Variants in ARHGAP18 observed in about 807,000 individuals in gnomAD.
The protein encoded by ARHGAP18 is rho GTPase-activating protein 18.
ARHGAP18 carries 67 observed loss-of-function variants against 86.2 expected under a neutral mutation model. That is an observed-to-expected ratio of 0.78 (90% CI 0.64 to 0.95). The LOEUF (loss-of-function observed/expected upper bound fraction) is 0.95, where lower values mean the gene tolerates loss of function less well. ARHGAP18 is among the 40% of genes least tolerant of loss of function. ARHGAP18 has a pLI of 0.00. For synonymous variants in ARHGAP18, 283 were observed against 280.4 expected, an observed-to-expected ratio of 1.01 and a Z score of -0.09; for missense variants, 691 against 780.4, an observed-to-expected ratio of 0.89 and a Z score of 1.37.
At chr6:129,642,884 T>A (rs1384843546) in intron 1 of ARHGAP18, among the ~76,000 whole-genome samples, 2 of 152,104 alleles carry the variant, frequency 1.3e-5, no homozygotes, top group Non-Finnish European at 2.9e-5. Context: ...GACCCATGAT[T>A]TATATGTATT....
chr6:129,603,617 G>A (rs988431327), intron 10 of ARHGAP18, among the ~76,000 whole-genome samples: 6 of 152,104 alleles, frequency 3.9e-5, no homozygotes, highest in African/African-American at 1.4e-4. Context: ...AGCCTGGAAG[G>A]ATTGAAACAA....
chr6:129,657,123 T>G (rs4337949), intron 1 of ARHGAP18, among the ~76,000 whole-genome samples: 70,819 of 151,992 alleles, frequency 0.47, 17,432 homozygotes, highest in African/African-American at 0.64. Context: ...ATTAATTTTA[T>G]AAACAGGTAC....
chr6:129,587,580 A>G (rs1199306188), intron 12 of ARHGAP18, among the ~76,000 whole-genome samples: 1 of 152,136 alleles, frequency 6.6e-6, no homozygotes, highest in East Asian at 1.9e-4. Context: ...GGCAGAAGGC[A>G]CCTCTTCACA....
chr6:129,666,639 C>T (rs1020867446), intron 1 of ARHGAP18, among the ~76,000 whole-genome samples: 36 of 152,312 alleles, frequency 2.4e-4, no homozygotes, highest in Admixed American at 1.4e-3. Context: ...CCAGGGCCTG[C>T]CTCCACCCTT....
intron 12 of ARHGAP18, among the ~76,000 whole-genome samples, chr6:129,596,085 A>C (rs1037457277): frequency 6.6e-6 from 1 of 152,176 alleles, no homozygotes; most frequent in East Asian, 1.9e-4. Context: ...GTCTATTCTC[A>C]ACACAACAGC....
chr6:129,665,373 C>T (rs1774018009), intron 1 of ARHGAP18, among the ~76,000 whole-genome samples: 1 of 152,008 alleles, frequency 6.6e-6, no homozygotes, highest in South Asian at 2.1e-4. Context: ...TGATGAAACC[C>T]CATCTCTACT....
chr6:129,656,959 ATGTCTT>A (rs1773851747), intron 1 of ARHGAP18, among the ~76,000 whole-genome samples: 1 of 152,222 alleles, frequency 6.6e-6, no homozygotes, highest in South Asian at 2.1e-4. Flanking sequence ...TTAAAAAGCA[ATGTCTT>A]ATAAATACAA....
chr6:129,579,994 C>T, intron 14 of ARHGAP18, 76 bp downstream of exon 14: 2 of 1,246,948 alleles, frequency 1.6e-6, no homozygotes, highest in Non-Finnish European at 2.3e-6. Flanking sequence ...CCTGTTCTTC[C>T]TCCAAAGACA....
intron 7 of ARHGAP18, among the ~76,000 whole-genome samples, chr6:129,614,417 T>A (rs12524088): frequency 0.1 from 15,413 of 152,242 alleles, 1,064 homozygotes; most frequent in Middle Eastern, 0.17. Context: ...GCTCCTTTAT[T>A]TTTTATAGAA....
At chr6:129,669,233 G>C (rs190635243) in intron 1 of ARHGAP18, among the ~76,000 whole-genome samples, 57 of 151,774 alleles carry the variant, frequency 3.8e-4, no homozygotes, top group African/African-American at 1.3e-3. Context: ...GTGCAATGGC[G>C]AGGTCACGGC....
intron 1 of ARHGAP18, among the ~76,000 whole-genome samples, chr6:129,695,454 C>T (rs1774600064): frequency 6.6e-6 from 1 of 152,114 alleles, no homozygotes; most frequent in Non-Finnish European, 1.5e-5. Context: ...TTAGTCTCTC[C>T]TGAGATGTGT....
At chr6:129,618,268 C>A (rs1789137885) in intron 6 of ARHGAP18, among the ~76,000 whole-genome samples, 1 of 152,104 alleles carries the variant, frequency 6.6e-6, no homozygotes, top group Non-Finnish European at 1.5e-5. Flanking sequence ...TACTAACTAG[C>A]CCATTTATTT....
At chr6:129,599,146 A>G (rs949492655) in intron 12 of ARHGAP18, 70 bp downstream of exon 12, 1 of 1,268,896 alleles carries the variant, frequency 7.9e-7, no homozygotes, top group Non-Finnish European at 1.0e-6. Flanking sequence ...TGAAAACATT[A>G]AATAAAAAAT....
At chr6:129,618,236 G>A (rs570093274) in intron 6 of ARHGAP18, among the ~76,000 whole-genome samples, 1 of 152,116 alleles carries the variant, frequency 6.6e-6, no homozygotes, top group African/African-American at 2.4e-5. Flanking sequence ...AAATTAGAAT[G>A]TCCAGGAACA....
chr6:129,666,763 A>G (rs1774048380), intron 1 of ARHGAP18, among the ~76,000 whole-genome samples: 1 of 152,246 alleles, frequency 6.6e-6, no homozygotes, highest in African/African-American at 2.4e-5. Flanking sequence ...ACAAGTGTAT[A>G]TACAGTTGTA....
chr6:129,586,712 A>C (rs1479368796), intron 12 of ARHGAP18, among the ~76,000 whole-genome samples: 1 of 152,198 alleles, frequency 6.6e-6, no homozygotes, highest in African/African-American at 2.4e-5. Context: ...TTGAGAAAAT[A>C]ATATATTACC....
intron 4 of ARHGAP18, among the ~76,000 whole-genome samples, chr6:129,633,148 C>T (rs1266258083): frequency 6.6e-6 from 1 of 151,966 alleles, no homozygotes; most frequent in Non-Finnish European, 1.5e-5. Flanking sequence ...TAACTTTTGG[C>T]TGGGCATGGT....
At chr6:129,628,720 G>C (rs1183477333) in intron 5 of ARHGAP18, among the ~76,000 whole-genome samples, 1 of 152,100 alleles carries the variant, frequency 6.6e-6, no homozygotes, top group Non-Finnish European at 1.5e-5. Flanking sequence ...TGGACTCTTT[G>C]ATAATATTGA....
chr6:129,612,447 T>G (rs1292032030), intron 7 of ARHGAP18, among the ~76,000 whole-genome samples: 1 of 152,214 alleles, frequency 6.6e-6, no homozygotes, highest in Non-Finnish European at 1.5e-5. Context: ...CACTCTCATT[T>G]CACAATTGCC....
Sources: allele counts gnomAD v4.1 joint callset (sites outside exome capture counted in the v4.1 genomes callset), GRCh38; gene constraint gnomAD v4.1.1; transcripts MANE v1.5; gene names NCBI Gene and HGNC (gene_info 2026-07-23, HGNC 2026-07-21).